HNRNPA2B1: variants seen among roughly 807,000 people sequenced by gnomAD.
HNRNPA2B1 encodes the protein heterogeneous nuclear ribonucleoprotein A2/B1.
Under a neutral mutation model 46.3 loss-of-function variants are expected in HNRNPA2B1, and 3 were observed. The observed-to-expected ratio is 0.06, with a 90% CI of 0.03 to 0.17. HNRNPA2B1 has a LOEUF of 0.17. Ranked by LOEUF, HNRNPA2B1 falls within the 10% of genes least tolerant of loss-of-function variation. The pLI, the probability that HNRNPA2B1 is intolerant of heterozygous loss-of-function variation, is 1.00. For missense variants in HNRNPA2B1, 221 were observed against 418.9 expected (o/e 0.53, Z 4.12); for synonymous variants, 225 against 133.8 (o/e 1.68, Z -4.70).
chr7:26,200,358 G>A, intron 1 of HNRNPA2B1: 2 of 621,246 alleles, frequency 3.2e-6, no homozygotes, highest in Non-Finnish European at 5.8e-6. Flanking sequence ...CACCCCCAGT[G>A]AAGGGAAATG....
Position 26,190,690 on chromosome 7 carries a change from A to T in HNRNPA2B1, c.*1670T>A, listed in dbSNP as rs1441573700. 6.6e-6 allele frequency: 1 copy of T among 152,192 alleles called. No individual in the cohort carries two copies. 9.4% of individuals were successfully genotyped at this position (152,192 alleles called of 1,614,324 possible). A position where few individuals can be genotyped will look rare whatever the true frequency, so the allele number is the denominator to read the frequency against. ...CTTTCTCTTCAGGGTAAGACACTGA[A>T]CTAGAATTACCACATTTAACCCACC... On this transcript the variant is annotated 3_prime_UTR_variant, in exon 11 of 11. Coordinates refer to ENST00000618183, the MANE Select transcript of HNRNPA2B1 (RefSeq NM_002137.4).
rs535745370 is a variant in HNRNPA2B1 at position 26,196,304 on chromosome 7, G to A, written c.658+97C>T. 2.5e-5 allele frequency: 25 copies of A among 989,276 alleles called. No homozygotes were observed. In the Admixed American group the frequency reaches 3.9e-4, roughly 16 times the overall value. 61.3% of individuals were successfully genotyped at this position (989,276 alleles called of 1,614,324 possible). ...ATCTATTTGAAGTCTTAGGAAAATT[G>A]ACTTAGGTTGGATTTCTTGATTCTA... On this transcript the variant is annotated intron_variant, in intron 6 of 10. Transcript: ENST00000618183.
Position 26,196,874 on chromosome 7 carries a change from C to G in HNRNPA2B1, c.408G>C (p.Gln136His). The change falls in exon 4 of 11, where the codon CAG becomes CAC. Residue 136 changes from glutamine to histidine, a missense_variant. By Grantham distance (24) the Gln-to-His change is conservative (BLOSUM62 0). Around this residue, in one of 2 missense-constraint regions of HNRNPA2B1, gnomAD observed 78 missense variants for 218.5 expected, o/e 0.36. Transcript: ENST00000618183. ...AGCCAAAGCCTCTTTTCTTTCCAGA[C>G]TGCCTATCAGTAATTATCTCAATGG... ...IDTIEIITDR[Q>H]SGKKRGFGFV... 6.2e-7 allele frequency: 1 copy of G among 1,614,068 alleles called. No individual in the cohort carries two copies. The highest frequency in any genetic ancestry group is 8.5e-7 in the Non-Finnish European group (1 of 1,179,982).
Position 26,200,721 on chromosome 7 carries a change from G to C in HNRNPA2B1, c.-144C>G, listed in dbSNP as rs760113718. The C allele has an allele frequency of 7.8e-6, 8 of 1,027,120 alleles. No homozygotes were observed. The highest frequency in any genetic ancestry group is 1.2e-5 in the Non-Finnish European group (8 of 660,906). 63.6% of individuals were successfully genotyped at this position (1,027,120 alleles called of 1,614,324 possible). On this transcript the variant is annotated 5_prime_UTR_variant, in exon 1 of 11. Transcript: ENST00000618183. ...AAACAACTCTGCGAGGAGCACCTCC[G>C]CACGGGACCCGGCGCTGCTGCTACT... is the stretch of plus-strand genomic sequence containing the variant.
intron 7 of HNRNPA2B1, 110 bp from the exon 8 acceptor site, chr7:26,193,804 G>C: frequency 1.0e-6 from 1 of 961,278 alleles, no homozygotes; most frequent in Non-Finnish European, 1.6e-6. Context: ...AATATTTAAT[G>C]AAATTCCTCT....
chr7:26,200,705 T>TGCGAGGAGCACCTCC lies in HNRNPA2B1; in HGVS notation c.-143_-129dup. ...ACTGCCGCTGCTCGAGAAACAACTC[T>TGCGAGGAGCACCTCC]GCGAGGAGCACCTCCGCACGGGACC... On this transcript the variant is annotated 5_prime_UTR_variant, in exon 1 of 11. Coordinates refer to ENST00000618183, the MANE Select transcript of HNRNPA2B1 (RefSeq NM_002137.4). The TGCGAGGAGCACCTCC allele has an allele frequency of 1.7e-6, 2 of 1,201,264 alleles. No homozygotes were observed. Among genetic ancestry groups the TGCGAGGAGCACCTCC allele is most frequent in the Admixed American group, 1.7e-5 (1 of 59,346 alleles). The allele number at this position is 1,201,264 out of a possible 1,614,324, so 74.4% of individuals were successfully genotyped here.
intron 7 of HNRNPA2B1, among the ~76,000 whole-genome samples, chr7:26,194,381 G>C (rs954324474): frequency 6.6e-6 from 1 of 151,962 alleles, no homozygotes; most frequent in Non-Finnish European, 1.5e-5. Context: ...GGGCGACAGA[G>C]AGAGACTCCC....
intron 7 of HNRNPA2B1, among the ~76,000 whole-genome samples, chr7:26,194,019 G>C (rs1382516840): frequency 6.6e-6 from 1 of 152,202 alleles, no homozygotes; most frequent in South Asian, 2.1e-4. Context: ...GTGTGGGCTA[G>C]AGGGAAAGTA....
Position 26,196,282 on chromosome 7 carries a change from T to C in HNRNPA2B1, c.658+119A>G, listed in dbSNP as rs1783625443. The stretch of plus-strand genomic sequence containing the variant: ...CACAAGAGCTTGCCAGGATACAATC[T>C]ATTTGAAGTCTTAGGAAAATTGACT... On this transcript the variant is annotated intron_variant, in intron 6 of 10. Transcript: ENST00000618183. 3 of 783,546 alleles carry C rather than the reference T, an allele frequency of 3.8e-6. No individual in the cohort carries two copies. The Admixed American group carries it at 8.5e-5, about 22-fold the overall frequency. 48.5% of individuals were successfully genotyped at this position (783,546 alleles called of 1,614,324 possible).
At chr7:26,196,341 C>G in intron 6 of HNRNPA2B1, 60 bp downstream of exon 6, 1 of 1,361,134 alleles carries the variant, frequency 7.3e-7, no homozygotes, top group Non-Finnish European at 1.0e-6. Flanking sequence ...TAATGAAAAC[C>G]TAATCATATT....
Position 26,192,543 on chromosome 7 carries a change from C to T in HNRNPA2B1, c.999G>A (p.Gly333=), listed in dbSNP as rs1334595413. The T allele has an allele frequency of 1.2e-6, 2 of 1,614,056 alleles. No individual in the cohort carries two copies. The highest frequency in any genetic ancestry group is 1.7e-6 in the Non-Finnish European group (2 of 1,179,918). The part of the protein sequence containing the change: ...NYGPGGSGGS[G]GYGGRSRY ...AGTATCGGCTCCTCCCACCATAACC[C>T]CCACTTCCTCCACTGCCTCCTGGAC... is the stretch of plus-strand genomic sequence containing the variant. The change falls in exon 10 of 11, where the codon GGG becomes GGA. Residue 333 remains glycine (G), a synonymous_variant. Coordinates refer to ENST00000618183, the MANE Select transcript of HNRNPA2B1 (RefSeq NM_002137.4).
In HNRNPA2B1 at chr7:26,192,519, G is replaced by A. The variant is rs776928747; in HGVS notation, c.1023C>T (p.Tyr341=). 3.7e-6 allele frequency: 6 copies of A among 1,612,646 alleles called. No homozygotes were observed. In the South Asian group the frequency reaches 5.5e-5, roughly 15 times the overall value. The part of the protein sequence containing the change: ...GSGGYGGRSR[Y] ...CCCATGGCAAATAGGAAGAAGCTCA[G>A]TATCGGCTCCTCCCACCATAACCCC... Residue 341 remains tyrosine (Y), a synonymous_variant, in exon 10 of 11, where the codon TAC becomes TAT. Coordinates refer to ENST00000618183, the MANE Select transcript of HNRNPA2B1 (RefSeq NM_002137.4).
intron 1 of HNRNPA2B1, 144 bp downstream of exon 1, chr7:26,200,428 C>G (rs751597674): frequency 2.3e-5 from 19 of 825,808 alleles, no homozygotes; most frequent in East Asian, 2.2e-4. Context: ...CTCAAGACCC[C>G]GTTCATAAAC....
intron 7 of HNRNPA2B1, 97 bp downstream of exon 7, chr7:26,195,745 CTAATA>C (rs1783510568): frequency 1.5e-6 from 2 of 1,299,210 alleles, no homozygotes; most frequent in Non-Finnish European, 2.1e-6. Flanking sequence ...TTTATAGACA[CTAATA>C]TAAAATGTTT....
At chr7:26,193,876 G>A (rs1783190908) in intron 7 of HNRNPA2B1, among the ~76,000 whole-genome samples, 182 bp from the exon 8 acceptor site, 1 of 152,164 alleles carries the variant, frequency 6.6e-6, no homozygotes, top group Admixed American at 6.5e-5. Flanking sequence ...GGGTTACTCA[G>A]CCAAATGGAT....
intron 8 of HNRNPA2B1, 36 bp from the exon 9 acceptor site, chr7:26,193,409 C>G: frequency 6.3e-7 from 1 of 1,594,314 alleles, no homozygotes; most frequent in Non-Finnish European, 8.6e-7. Context: ...ACAATACAAA[C>G]ATTAAACCAA....
In HNRNPA2B1 at chr7:26,191,065, T is replaced by C. The variant is rs1429431868; in HGVS notation, c.*1295A>G. On this transcript the variant is annotated 3_prime_UTR_variant, in exon 11 of 11. Transcript: ENST00000618183. ...TGATCACTTGGCTTGCCTCAGCTGT[T>C]GAAATGAAGCACTTTACAGTCTTTG... 1 of 152,244 alleles carries C rather than the reference T, an allele frequency of 6.6e-6. No homozygotes were observed. Among genetic ancestry groups the C allele is most frequent in the African/African-American group, 2.4e-5 (1 of 41,324 alleles). 9.4% of individuals were successfully genotyped at this position (152,244 alleles called of 1,614,324 possible). A position where few individuals can be genotyped will look rare whatever the true frequency, so the allele number is the denominator to read the frequency against.
At chr7:26,195,210 G>C (rs1220063921) in intron 7 of HNRNPA2B1, among the ~76,000 whole-genome samples, 2 of 147,444 alleles carry the variant, frequency 1.4e-5, no homozygotes, top group Admixed American at 6.8e-5. Context: ...ATTATAAAAA[G>C]TAGAACAGTG....
chr7:26,197,544 G>A (rs947322570), intron 2 of HNRNPA2B1, 78 bp downstream of exon 2: 44 of 1,560,584 alleles, frequency 2.8e-5, no homozygotes, highest in Non-Finnish European at 3.8e-5. Flanking sequence ...TTACTATGCT[G>A]ATAGTTATTT....
Sources: gnomAD v4.1 joint callset for allele counts (sites outside exome capture counted in the v4.1 genomes callset) on GRCh38, gnomAD v4.1.1 for gene constraint, gnomAD v4.1.1 regional missense constraint, MANE v1.5 for transcripts, NCBI Gene and HGNC (gene_info 2026-07-23, HGNC 2026-07-21) for gene names.